The following MYH10 variants were observed in gnomAD, a reference collection of about 807,000 sequenced individuals.
The protein encoded by MYH10 is myosin heavy chain 10.
A neutral mutation model predicts 257.8 loss-of-function variants in MYH10; 55 were observed. That is an observed-to-expected ratio of 0.21 (90% CI 0.17 to 0.27). The LOEUF (loss-of-function observed/expected upper bound fraction) is 0.27. Among genes scored for constraint, MYH10 ranks in the 10% least tolerant of loss-of-function variants. MYH10 has a pLI of 1.00. For missense variants in MYH10, 1,631 were observed against 2,500.6 expected, an observed-to-expected ratio of 0.65 and a Z score of 7.42; for synonymous variants, 854 against 921.7, an observed-to-expected ratio of 0.93 and a Z score of 1.33.
In MYH10 at chr17:8,484,244, C is replaced by A. The variant is rs143184061; in HGVS notation, c.5069G>T (p.Arg1690Leu). 6.2e-7 allele frequency: 1 copy of A among 1,612,404 alleles called. No homozygotes were observed. The highest frequency in any genetic ancestry group is 8.5e-7 in the Non-Finnish European group (1 of 1,179,436). ...GGATGCACGAGCTTCTTCTAATTCACGTTGGTAATCCTTCATCTGAGCCTA... is the reference window on the plus strand; with the variant it reads ...GGATGCACGAGCTTCTTCTAATTCAAGTTGGTAATCCTTCATCTGAGCCTA... ...KLQAQMKDYQRELEEARASRD... is the reference protein window; with the variant it reads ...KLQAQMKDYQLELEEARASRD... Residue 1690 changes from arginine to leucine, a missense_variant, in exon 37 of 43, where the codon CGT becomes CTT. By Grantham distance (102) the Arg-to-Leu change is moderately radical. Transcript: ENST00000360416.
intron 6 of MYH10, among the ~76,000 whole-genome samples, chr17:8,571,602 G>T (rs1274020294): frequency 6.6e-6 from 1 of 151,460 alleles, no homozygotes; most frequent in African/African-American, 2.4e-5. Flanking sequence ...CTAACACAGT[G>T]AAACCTGTCT....
intron 9 of MYH10, among the ~76,000 whole-genome samples, chr17:8,549,038 A>C (rs1482489927): frequency 2.6e-5 from 4 of 152,246 alleles, no homozygotes; most frequent in African/African-American, 7.2e-5. Context: ...TGGGGATGGC[A>C]GTTTGTACAA....
intron 31 of MYH10, 70 bp from the exon 32 acceptor site, chr17:8,493,955 G>A: frequency 6.6e-7 from 1 of 1,505,884 alleles, no homozygotes; most frequent in South Asian, 1.3e-5. Context: ...CTGTATTAAA[G>A]AATTCATGTC....
intron 30 of MYH10, among the ~76,000 whole-genome samples, chr17:8,496,729 C>T (rs544808084): frequency 2.3e-4 from 35 of 152,308 alleles, no homozygotes; most frequent in African/African-American, 8.2e-4. Flanking sequence ...CACAGCAGGC[C>T]GGGACCACCC....
chr17:8,494,153 G>A (rs1916210523), intron 31 of MYH10, among the ~76,000 whole-genome samples: 1 of 152,028 alleles, frequency 6.6e-6, no homozygotes, highest in Admixed American at 6.5e-5. Context: ...GCATCCCCGA[G>A]GCCTCCCCTC....
chr17:8,582,520 A>G (rs139792290), intron 4 of MYH10, among the ~76,000 whole-genome samples: 1 of 152,360 alleles, frequency 6.6e-6, no homozygotes, highest in Non-Finnish European at 1.5e-5. Context: ...AAATCCTTCA[A>G]AGAGAGTGGT....
chr17:8,585,476 C>G (rs888958580), intron 4 of MYH10, among the ~76,000 whole-genome samples: 1 of 151,342 alleles, frequency 6.6e-6, no homozygotes, highest in Non-Finnish European at 1.5e-5. Context: ...TTATGAAGAC[C>G]CCAGTCACAC....
intron 6 of MYH10, among the ~76,000 whole-genome samples, chr17:8,572,261 T>TGTGTGTGTGA (rs1312873535): frequency 2.7e-5 from 4 of 147,336 alleles, no homozygotes; most frequent in African/African-American, 1.0e-4. Flanking sequence ...TGTGTGTGAG[T>TGTGTGTGTGA]GAGAGAGAGA....
intron 36 of MYH10, among the ~76,000 whole-genome samples, chr17:8,486,855 G>T (rs901983885): frequency 6.6e-6 from 1 of 152,166 alleles, no homozygotes; most frequent in Admixed American, 6.5e-5. Flanking sequence ...TTCTGCTAAA[G>T]ATCTTTGTAC....
chr17:8,595,418 AAC>A (rs1359639915), intron 3 of MYH10, among the ~76,000 whole-genome samples: 1 of 133,476 alleles, frequency 7.5e-6, no homozygotes, highest in Non-Finnish European at 1.6e-5. Flanking sequence ...CCCCAGTAAG[AAC>A]AGTTCTTTTT....
At chr17:8,571,477 C>T (rs72845200) in intron 6 of MYH10, among the ~76,000 whole-genome samples, 32,585 of 151,870 alleles carry the variant, frequency 0.21, 3,846 homozygotes, top group Non-Finnish European at 0.27. Flanking sequence ...TGACTGAGAG[C>T]CATTGTTAAA....
At chr17:8,614,467 C>T (rs1003445450) in intron 2 of MYH10, among the ~76,000 whole-genome samples, 7 of 151,816 alleles carry the variant, frequency 4.6e-5, no homozygotes, top group Non-Finnish European at 1.0e-4. Context: ...CACAGGCACA[C>T]GCCACCACAC....
intron 3 of MYH10, among the ~76,000 whole-genome samples, chr17:8,595,422 GTTCTTTTTTTTTTTT>G (rs1788946058): frequency 1.6e-5 from 1 of 61,182 alleles, no homozygotes; most frequent in African/African-American, 7.0e-5. Context: ...AGTAAGAACA[GTTCTTTTTTTTTTTT>G]TTTTTTTTTT....
intron 17 of MYH10, among the ~76,000 whole-genome samples, chr17:8,528,074 T>C (rs1414155857): frequency 3.3e-5 from 5 of 152,222 alleles, no homozygotes; most frequent in Admixed American, 6.5e-5. Context: ...TCTCAGGTTT[T>C]CCCCAATTTT....
chr17:8,570,412 G>A (rs1207084143), intron 6 of MYH10, among the ~76,000 whole-genome samples: 1 of 152,152 alleles, frequency 6.6e-6, no homozygotes, highest in Non-Finnish European at 1.5e-5. Flanking sequence ...GCTTTAGTTG[G>A]TGTCTTTACT....
At chr17:8,567,003 A>G (rs1244036781) in intron 7 of MYH10, among the ~76,000 whole-genome samples, 2 of 152,202 alleles carry the variant, frequency 1.3e-5, no homozygotes, top group Non-Finnish European at 2.9e-5. Flanking sequence ...GAAACAGAAT[A>G]GATTAGTAAC....
chr17:8,483,887 T>G (rs1219401201), intron 37 of MYH10, among the ~76,000 whole-genome samples: 1 of 152,256 alleles, frequency 6.6e-6, no homozygotes, highest in African/African-American at 2.4e-5. Flanking sequence ...GAAAAGCTAC[T>G]CATCAGCTCC....
intron 16 of MYH10, 78 bp from the exon 17 acceptor site, chr17:8,530,763 A>C (rs1326792647): frequency 9.1e-7 from 1 of 1,102,044 alleles, no homozygotes; most frequent in East Asian, 2.6e-5. Flanking sequence ...GACATTTGAC[A>C]GCACAAGTCA....
At chr17:8,544,092 A>G (rs1459048952) in intron 13 of MYH10, among the ~76,000 whole-genome samples, 1 of 152,140 alleles carries the variant, frequency 6.6e-6, no homozygotes, top group African/African-American at 2.4e-5. Context: ...CATTCTTTAT[A>G]ATGGATGCAT....
Sources: allele counts gnomAD v4.1 joint callset (sites outside exome capture counted in the v4.1 genomes callset), GRCh38; gene constraint gnomAD v4.1.1; transcripts MANE v1.5; gene names NCBI Gene and HGNC (gene_info 2026-07-23, HGNC 2026-07-21).